AKAP19: variants seen among roughly 807,000 people sequenced by gnomAD.
The protein encoded by AKAP19 is small A-kinase anchoring protein.
At chr2:189,934,023 A>G in the AKAP19 span, among the ~76,000 whole-genome samples, 55 of 152,250 alleles carry the variant, frequency 3.6e-4, no homozygotes, top group African/African-American at 1.2e-3. Flanking sequence ...GAGAAATTTA[A>G]TGCAATTTTT....
the AKAP19 span, among the ~76,000 whole-genome samples, chr2:190,196,061 G>GTTAT: frequency 0.32 from 47,754 of 148,030 alleles, 7,775 homozygotes; most frequent in Non-Finnish European, 0.35. Flanking sequence ...CCTTTCAATT[G>GTTAT]TTATTTTTAG....
At chr2:190,006,976 C>T in the AKAP19 span, among the ~76,000 whole-genome samples, 2 of 151,054 alleles carry the variant, frequency 1.3e-5, no homozygotes, top group East Asian at 2.0e-4. Context: ...GCCGAGATCG[C>T]ACCACTGCAC....
the AKAP19 span, among the ~76,000 whole-genome samples, chr2:189,983,217 G>T: frequency 1.3e-5 from 2 of 152,150 alleles, no homozygotes; most frequent in Non-Finnish European, 2.9e-5. Context: ...TAAAGATTTT[G>T]TTCTTTGGAT....
the AKAP19 span, among the ~76,000 whole-genome samples, chr2:190,093,161 G>A: frequency 6.6e-6 from 1 of 152,006 alleles, no homozygotes; most frequent in Admixed American, 6.6e-5. Context: ...GGTGGCTCAC[G>A]CCTATAATCC....
At chr2:190,180,609 G>A in the AKAP19 span, 3 of 985,718 alleles carry the variant, frequency 3.0e-6, no homozygotes, top group South Asian at 1.4e-4. This position sits in a 1 kb window ranked among gnomAD's most constrained non-coding sequence, Gnocchi z 6.8. Flanking sequence ...CAGACCAACC[G>A]GCTGGCAGCC....
the AKAP19 span, among the ~76,000 whole-genome samples, chr2:189,898,432 T>A: frequency 1.3e-5 from 2 of 152,088 alleles, no homozygotes; most frequent in African/African-American, 4.8e-5. Context: ...CCCACAAACA[T>A]AATTTCCCAC....
the AKAP19 span, among the ~76,000 whole-genome samples, chr2:190,103,219 T>C: frequency 6.6e-6 from 1 of 152,040 alleles, no homozygotes; most frequent in African/African-American, 2.4e-5. Context: ...CTATGACAAA[T>C]GCACAGCCGA....
the AKAP19 span, among the ~76,000 whole-genome samples, chr2:190,153,746 G>C: frequency 6.6e-6 from 1 of 152,102 alleles, no homozygotes; most frequent in Non-Finnish European, 1.5e-5. Context: ...TAAGCATTGA[G>C]AAGGAATCTC....
At chr2:190,078,358 A>T in the AKAP19 span, among the ~76,000 whole-genome samples, 14 of 152,288 alleles carry the variant, frequency 9.2e-5, no homozygotes, top group South Asian at 2.7e-3. Context: ...TTACAGCAGG[A>T]AGGTAAATAT....
the AKAP19 span, among the ~76,000 whole-genome samples, chr2:190,097,845 G>C: frequency 0.028 from 3,014 of 109,150 alleles, 50 homozygotes; most frequent in Admixed American, 0.044. Flanking sequence ...AACACAGTGA[G>C]AGCTGGTTTC....
chr2:190,068,006 A>C, the AKAP19 span, among the ~76,000 whole-genome samples: 1 of 152,146 alleles, frequency 6.6e-6, no homozygotes, highest in Non-Finnish European at 1.5e-5. Flanking sequence ...GTTCGAGACC[A>C]GCTTGGCCAA....
the AKAP19 span, among the ~76,000 whole-genome samples, chr2:189,894,222 TTA>T: frequency 6.6e-6 from 1 of 152,190 alleles, no homozygotes; most frequent in African/African-American, 2.4e-5. Flanking sequence ...TATCAGATAC[TTA>T]TATACAGAAT....
chr2:189,949,621 CT>C, the AKAP19 span, among the ~76,000 whole-genome samples: 1 of 145,390 alleles, frequency 6.9e-6, no homozygotes, highest in South Asian at 2.2e-4. Context: ...TTGTTACCTA[CT>C]TTTTCTTTCT....
At chr2:189,879,770 C>T in the AKAP19 span, 1 of 152,286 alleles carries the variant, frequency 6.6e-6, no homozygotes, top group Admixed American at 6.5e-5. Context: ...CCAAGTTACC[C>T]ATTTGCCTCT....
At chr2:190,007,826 G>A in the AKAP19 span, among the ~76,000 whole-genome samples, 15 of 152,212 alleles carry the variant, frequency 9.9e-5, no homozygotes, top group Admixed American at 7.2e-4. Context: ...GCTGGGTGTG[G>A]TGGTGCGTGC....
At chr2:189,990,018 C>A in the AKAP19 span, among the ~76,000 whole-genome samples, 15 of 152,184 alleles carry the variant, frequency 9.9e-5, no homozygotes, top group Non-Finnish European at 2.1e-4. Context: ...ACTGACTGAT[C>A]CTAAAATTTA....
the AKAP19 span, among the ~76,000 whole-genome samples, chr2:190,112,004 T>G: frequency 6.6e-6 from 1 of 152,150 alleles, no homozygotes. Context: ...TTCACGCCAT[T>G]CTCCTGCCTC....
At chr2:190,057,395 T>A in the AKAP19 span, 3 of 1,613,660 alleles carry the variant, frequency 1.9e-6, no homozygotes, top group African/African-American at 4.0e-5. Flanking sequence ...CCTCTGGGGT[T>A]TGCTTGGTGT....
At chr2:190,193,414 A>G in the AKAP19 span, among the ~76,000 whole-genome samples, 3 of 152,138 alleles carry the variant, frequency 2.0e-5, no homozygotes, top group Admixed American at 6.5e-5. Context: ...CTGGCCTCAT[A>G]TAGAATAATT....
Sources: gnomAD v4.1 joint callset for allele counts (sites outside exome capture counted in the v4.1 genomes callset) on GRCh38, gnomAD v4.1.1 for gene constraint, Gnocchi (gnomAD v3.1) non-coding constraint, MANE v1.5 for transcripts, NCBI Gene and HGNC (gene_info 2026-07-23, HGNC 2026-07-21) for gene names.